The following CTBP2 variants were observed in gnomAD, a reference collection of about 807,000 sequenced individuals.
CTBP2 encodes the protein C-terminal binding protein 2, also known as C-terminal-binding protein 2.
A neutral mutation model predicts 80.3 loss-of-function variants in CTBP2; 30 were observed. The ratio of observed to expected loss-of-function variants is 0.37; its 90% CI spans 0.28 to 0.51. CTBP2 has a LOEUF of 0.51. Ranked by LOEUF, CTBP2 falls within the 20% of genes least tolerant of loss-of-function variation. The pLI is 0.93. For missense variants in CTBP2, 1,212 were observed against 1,375.3 expected (o/e 0.88, Z 1.88); for synonymous variants, 594 against 587.4 (o/e 1.01, Z -0.16).
At chr10:125,059,708 C>CA (rs1354129541) in intron 2 of CTBP2, among the ~76,000 whole-genome samples, 1 of 152,166 alleles carries the variant, frequency 6.6e-6, no homozygotes, top group Non-Finnish European at 1.5e-5. Flanking sequence ...AGCCATGCTC[C>CA]AAGGCCACTG....
chr10:125,117,470 C>G (rs946359608), intron 1 of CTBP2, among the ~76,000 whole-genome samples: 4 of 152,220 alleles, frequency 2.6e-5, no homozygotes, highest in Non-Finnish European at 5.9e-5. Context: ...ACGGCACCCC[C>G]CAAGCCCACC....
At chr10:125,089,803 C>T (rs1331092769) in intron 2 of CTBP2, among the ~76,000 whole-genome samples, 1 of 152,204 alleles carries the variant, frequency 6.6e-6, no homozygotes, top group Non-Finnish European at 1.5e-5. Context: ...CTAGTATTTG[C>T]CATCCAGCTG....
At chr10:125,094,448 C>T (rs1295180127) in intron 2 of CTBP2, among the ~76,000 whole-genome samples, 1 of 152,182 alleles carries the variant, frequency 6.6e-6, no homozygotes, top group Non-Finnish European at 1.5e-5. Flanking sequence ...AAGGAAGCAA[C>T]GATGATGTGG....
Position 125,026,782 on chromosome 10 carries a change from G to T in CTBP2, c.978C>A (p.Asp326Glu), listed in dbSNP as rs201372838. ...TGGGTGCGACAGACTTGATATCCGCGTCCTCCAGGGTAGCCAGGACGGCCG... is the reference window on the plus strand; with the variant it reads ...TGGGTGCGACAGACTTGATATCCGCTTCCTCCAGGGTAGCCAGGACGGCCG... The change falls in exon 1 of 9, where the codon GAC (aspartate) becomes GAA (glutamate). Residue 326 changes from aspartate (D) to glutamate (E), a missense_variant. Asp to Glu is a conservative substitution (Grantham distance 45). Coordinates refer to ENST00000309035, the MANE Select transcript of CTBP2 (RefSeq NM_022802.3). 1 of 1,613,022 alleles carries T rather than the reference G, an allele frequency of 6.2e-7. No homozygotes were observed.
At chr10:124,996,055 T>TTG (rs1463124882) in intron 4 of CTBP2, 11 of 150,618 alleles carry the variant, frequency 7.3e-5, no homozygotes, top group African/African-American at 2.7e-4. Flanking sequence ...TTTGTTTTTT[T>TTG]TTTTTTTTTT....
chr10:125,036,837 T>C (rs1958956686), intron 3 of CTBP2, among the ~76,000 whole-genome samples: 1 of 152,106 alleles, frequency 6.6e-6, no homozygotes, highest in Non-Finnish European at 1.5e-5. Flanking sequence ...GCAAACTGCC[T>C]ACTGCTCAAC....
chr10:125,145,799 T>G (rs553986911), intron 1 of CTBP2, among the ~76,000 whole-genome samples: 5 of 152,184 alleles, frequency 3.3e-5, no homozygotes, highest in Non-Finnish European at 5.9e-5. Context: ...GATTTGCAAT[T>G]GAAGAATATG....
At chr10:125,108,274 A>G (rs1465812216) in intron 2 of CTBP2, among the ~76,000 whole-genome samples, 1 of 152,252 alleles carries the variant, frequency 6.6e-6, no homozygotes, top group Non-Finnish European at 1.5e-5. Flanking sequence ...AAACCAAAAT[A>G]TTAAGTCTAG....
At chr10:125,118,809 C>T (rs1238958068) in intron 1 of CTBP2, among the ~76,000 whole-genome samples, 1 of 152,176 alleles carries the variant, frequency 6.6e-6, no homozygotes, top group Non-Finnish European at 1.5e-5. Context: ...CGCGCAGCTC[C>T]GAAAGACAAG....
At chr10:125,084,315 G>C (rs1847644980) in intron 2 of CTBP2, among the ~76,000 whole-genome samples, 1 of 151,976 alleles carries the variant, frequency 6.6e-6, no homozygotes, top group Non-Finnish European at 1.5e-5. Flanking sequence ...GAACATCTCA[G>C]GGAAGAAGCT....
intron 1 of CTBP2, among the ~76,000 whole-genome samples, chr10:125,021,100 C>T (rs966679954): frequency 3.9e-5 from 6 of 152,170 alleles, no homozygotes; most frequent in Non-Finnish European, 7.4e-5. Context: ...GTGAAGGCGG[C>T]AGAGCTGGGG....
intron 1 of CTBP2, among the ~76,000 whole-genome samples, chr10:125,123,546 G>A (rs1325479454): frequency 6.6e-6 from 1 of 152,144 alleles, no homozygotes; most frequent in Admixed American, 6.5e-5. Context: ...TGGTTTATGT[G>A]GTTTAGCTCA....
In CTBP2 at chr10:125,026,863, C is replaced by T. The variant is rs770507202; in HGVS notation, c.897G>A (p.Ala299=). The T allele has an allele frequency of 7.7e-5, 124 of 1,613,686 alleles. No homozygotes were observed. The highest frequency in any genetic ancestry group is 7.6e-4 in the South Asian group (69 of 91,090). ...CCAGCGTGGCCTCTGCCAGCCCCTC[C>T]GCCCGCAGAAAGGCCAGGAACTCAG... The change falls in exon 1 of 9, where the codon GCG becomes GCA. Residue 299 remains alanine, a synonymous_variant. Transcript: ENST00000309035.
intron 1 of CTBP2, among the ~76,000 whole-genome samples, chr10:125,143,713 A>G (rs1858251166): frequency 6.6e-6 from 1 of 152,226 alleles, no homozygotes; most frequent in Non-Finnish European, 1.5e-5. Flanking sequence ...ATCTCCGTTC[A>G]TGCATTCCAC....
chr10:124,985,108 C>A lies in CTBP2; in HGVS notation c.*4410G>T. The A allele has an allele frequency of 1.3e-6, 1 of 786,684 alleles. No homozygotes were observed. The highest frequency in any genetic ancestry group is 2.0e-6 in the Non-Finnish European group (1 of 490,096). 48.7% of individuals were successfully genotyped at this position (786,684 alleles called of 1,614,324 possible). On this transcript the variant is annotated 3_prime_UTR_variant, in exon 9 of 9. Coordinates refer to ENST00000309035, the MANE Select transcript of CTBP2 (RefSeq NM_022802.3). ...AATGAACCAAATCTGGCAGGATCTGCTCGGGGAAGTGTTTTCCTGGACCAC... is the reference window on the plus strand; with the variant it reads ...AATGAACCAAATCTGGCAGGATCTGATCGGGGAAGTGTTTTCCTGGACCAC...
rs1162326298 is a variant in CTBP2, at chr10:124,993,852, C to T, written c.2531+3G>A. On this transcript the variant is annotated splice_donor_region_variant and intron_variant, in intron 6 of 8. Coordinates refer to ENST00000309035, the MANE Select transcript of CTBP2 (RefSeq NM_022802.3). ...CCTGGTAGGCGGCTGGGGCAACACG[C>T]ACCTGAAGGGCTCTGACTCATGCAC... 12 of 1,611,308 alleles carry T rather than the reference C, an allele frequency of 7.4e-6. No individual in the cohort carries two copies. The highest frequency in any genetic ancestry group is 1.0e-5 in the Non-Finnish European group (12 of 1,179,242).
At chr10:125,143,042 C>T (rs938082086) in intron 1 of CTBP2, among the ~76,000 whole-genome samples, 1 of 152,174 alleles carries the variant, frequency 6.6e-6, no homozygotes, top group Non-Finnish European at 1.5e-5. Flanking sequence ...CACCTCTGCC[C>T]ACCCCAGCTC....
intron 1 of CTBP2, among the ~76,000 whole-genome samples, chr10:125,134,487 TC>T (rs1856653656): frequency 1.3e-5 from 2 of 152,162 alleles, no homozygotes; most frequent in Admixed American, 6.5e-5. Flanking sequence ...ACAGCAAAGT[TC>T]TTGTTCTGAA....
intron 2 of CTBP2, among the ~76,000 whole-genome samples, chr10:125,074,773 C>T (rs1033672368): frequency 7.2e-5 from 11 of 152,230 alleles, no homozygotes; most frequent in African/African-American, 2.7e-4. Flanking sequence ...ACTTCCGTTT[C>T]CTTGGCCCTT....
Sources: allele counts gnomAD v4.1 joint callset (sites outside exome capture counted in the v4.1 genomes callset), GRCh38; gene constraint gnomAD v4.1.1; transcripts MANE v1.5; gene names NCBI Gene and HGNC (gene_info 2026-07-23, HGNC 2026-07-21).